The following TBC1D32 variants were observed in gnomAD, a reference collection of about 807,000 sequenced individuals.
TBC1D32 encodes TBC1 domain family member 32.
Under a neutral mutation model 170.3 loss-of-function variants are expected in TBC1D32, and 151 were observed. The observed-to-expected ratio is 0.89, with a 90% CI of 0.78 to 1.01. The LOEUF is 1.01. Ranked by LOEUF, TBC1D32 falls within the 50% of genes least tolerant of loss-of-function variation. TBC1D32 has a pLI of 0.00. For missense variants in TBC1D32, 1,464 were observed against 1,457.1 expected (o/e 1.00, Z -0.08); for synonymous variants, 498 against 488.0 (o/e 1.02, Z -0.27).
intron 15 of TBC1D32, among the ~76,000 whole-genome samples, chr6:121,273,718 C>A (rs916758384): frequency 6.6e-6 from 1 of 151,548 alleles, no homozygotes; most frequent in Non-Finnish European, 1.5e-5. Flanking sequence ...CTAAATGTTT[C>A]TCTGTACATA....
At chr6:121,153,215 G>A (rs888421313) in intron 24 of TBC1D32, among the ~76,000 whole-genome samples, 3 of 152,030 alleles carry the variant, frequency 2.0e-5, no homozygotes, top group African/African-American at 7.2e-5. Flanking sequence ...TGATGCCATT[G>A]CTTTCTGTTT....
intron 30 of TBC1D32, among the ~76,000 whole-genome samples, chr6:121,098,855 C>A (rs186813814): frequency 6.1e-4 from 93 of 151,910 alleles, no homozygotes; most frequent in African/African-American, 1.6e-3. Flanking sequence ...AAAAATAACT[C>A]ACAGGAAGGG....
intron 24 of TBC1D32, among the ~76,000 whole-genome samples, chr6:121,143,697 T>C (rs929561691): frequency 5.9e-5 from 9 of 152,220 alleles, no homozygotes; most frequent in African/African-American, 2.2e-4. Flanking sequence ...TAAAATAACT[T>C]TGGTGTCTTA....
chr6:121,253,691 C>G (rs1441820056), intron 17 of TBC1D32, among the ~76,000 whole-genome samples: 2 of 152,040 alleles, frequency 1.3e-5, no homozygotes, highest in Non-Finnish European at 1.5e-5. Flanking sequence ...TGCACTCCAG[C>G]CTGGGCGACA....
In TBC1D32 at chr6:121,202,190, G is replaced by A. The variant is rs761598330; in HGVS notation, c.2570+2885C>T. Among the ~76,000 whole-genome samples the A allele has an allele frequency of 3.3e-5, 5 of 149,298 alleles. No homozygotes were observed. The East Asian group carries it at 9.8e-4, about 29-fold the overall frequency. On this transcript the variant is annotated intron_variant, in intron 22 of 31. Transcript: ENST00000398212. ...CAAATGTTTAAGTGTAATAAATTAA[G>A]AGTAGAGTGCACAGAAACCTAGGAT...
At chr6:121,330,820 G>C (rs1811122326) in intron 1 of TBC1D32, among the ~76,000 whole-genome samples, 1 of 152,160 alleles carries the variant, frequency 6.6e-6, no homozygotes, top group African/African-American at 2.4e-5. Flanking sequence ...CAGGGAGCCA[G>C]TCTGCGTGTA....
intron 17 of TBC1D32, among the ~76,000 whole-genome samples, chr6:121,253,842 C>T (rs1322326367): frequency 1.3e-5 from 2 of 152,088 alleles, no homozygotes; most frequent in African/African-American, 4.8e-5. Context: ...CCTTAAAGAA[C>T]TAAAAGTAGA....
chr6:121,240,084 G>A (rs1306753635), intron 19 of TBC1D32, among the ~76,000 whole-genome samples: 1 of 152,064 alleles, frequency 6.6e-6, no homozygotes, highest in Non-Finnish European at 1.5e-5. Context: ...AGTATCAACA[G>A]GACAATACAT....
chr6:121,082,990 TAC>T (rs1207743867), intron 31 of TBC1D32, among the ~76,000 whole-genome samples: 3 of 151,992 alleles, frequency 2.0e-5, no homozygotes, highest in Non-Finnish European at 2.9e-5. Context: ...CCAAAATATC[TAC>T]ATTTTACATT....
At position 121,278,050 on chromosome 6, in the gene TBC1D32, A is replaced by G. The variant is rs565963345; in HGVS notation, c.1733+1071T>C. Reference sequence around the variant, plus strand: ...TCCTTGAAAGACATATTTTGCCAACATTCACATAAGAGCAAGTAGGCAATC... The same window carrying G: ...TCCTTGAAAGACATATTTTGCCAACGTTCACATAAGAGCAAGTAGGCAATC... On this transcript the variant is annotated intron_variant, in intron 15 of 31. Transcript: ENST00000398212. 1.5e-4 allele frequency among the ~76,000 whole-genome samples: 23 copies of G among 152,272 alleles called. No homozygotes were observed. In the South Asian group the frequency reaches 4.8e-3, roughly 32 times the overall value.
At chr6:121,132,249 T>C (rs1182398629) in intron 24 of TBC1D32, among the ~76,000 whole-genome samples, 1 of 151,974 alleles carries the variant, frequency 6.6e-6, no homozygotes, top group Non-Finnish European at 1.5e-5. Context: ...AACATGCTAT[T>C]CTGGCATATT....
chr6:121,326,978 A>G (rs924243421), intron 1 of TBC1D32, among the ~76,000 whole-genome samples: 8 of 152,264 alleles, frequency 5.3e-5, no homozygotes, highest in African/African-American at 1.9e-4. Context: ...CTCATCCAAC[A>G]ATTAATTTTA....
At chr6:121,190,408 A>C (rs1583148726) in intron 22 of TBC1D32, among the ~76,000 whole-genome samples, 3 of 84,242 alleles carry the variant, frequency 3.6e-5, no homozygotes, top group African/African-American at 1.5e-4. Flanking sequence ...CCCCCCACAC[A>C]CATCCACTCT....
Position 121,283,870 on chromosome 6 carries a change from T to G in TBC1D32, c.1413A>C (p.Gln471His), listed in dbSNP as rs370027510. ...GACAACTTGGTGAGTAATAGATAAG[T>G]TGGGTAAAAAGAACAAGCAGATCTA... is the stretch of plus-strand genomic sequence containing the variant. ...SLIDLLVLFT[Q>H]LIYYSPSCPK... Residue 471 changes from glutamine to histidine, a missense_variant, in exon 13 of 32, where the codon CAA (glutamine) becomes CAC (histidine). By Grantham distance (24) the Gln-to-His change is conservative. Coordinates refer to ENST00000398212, the MANE Select transcript of TBC1D32 (RefSeq NM_152730.6). 2 of 1,611,390 alleles carry G rather than the reference T, an allele frequency of 1.2e-6. No individual in the cohort carries two copies.
chr6:121,297,548 C>T (rs530688316), intron 10 of TBC1D32, among the ~76,000 whole-genome samples: 4 of 151,996 alleles, frequency 2.6e-5, no homozygotes, highest in East Asian at 1.9e-4. Flanking sequence ...ATATTTAGGC[C>T]GACAGCCAAA....
At chr6:121,304,935 CAAAT>C (rs1386147044) in intron 5 of TBC1D32, 102 bp from the exon 6 acceptor site, 82 of 739,764 alleles carry the variant, frequency 1.1e-4, no homozygotes, top group African/African-American at 8.7e-4. Context: ...AAAATAAATA[CAAAT>C]AAACCATTCA....
rs1472552505 is a variant in TBC1D32 at position 121,321,700 on chromosome 6, G to A, written c.250C>T (p.Gln84Ter). 1.2e-6 allele frequency: 2 copies of A among 1,614,022 alleles called. No homozygotes were observed. The highest frequency in any genetic ancestry group is 1.7e-6 in the Non-Finnish European group (2 of 1,179,964). The change falls in exon 2 of 32, where the codon CAG becomes TAG. Residue 84 changes from glutamine to a stop codon, truncating the protein, a stop_gained. Coordinates refer to ENST00000398212, the MANE Select transcript of TBC1D32 (RefSeq NM_152730.6). LOFTEE classifies it high-confidence loss of function. ...GTATCATAGCCGCATTCTTCACCCT[G>A]ATTCCGATCAGATGTGCATTTTTCC... ...EMEKCTSDRN[Q>*]GEECGYDTVV...
chr6:121,122,016 C>CA (rs1391473506), intron 26 of TBC1D32, among the ~76,000 whole-genome samples: 2 of 151,938 alleles, frequency 1.3e-5, no homozygotes, highest in African/African-American at 4.8e-5. Flanking sequence ...TCTCAAACAA[C>CA]AAAAAAGCCA....
chr6:121,268,961 C>A (rs1800946095), intron 15 of TBC1D32, among the ~76,000 whole-genome samples: 1 of 152,174 alleles, frequency 6.6e-6, no homozygotes, highest in African/African-American at 2.4e-5. Context: ...CAATATTCAA[C>A]CTTCTTGAAG....
Sources: gnomAD v4.1 joint callset for allele counts (sites outside exome capture counted in the v4.1 genomes callset) on GRCh38, gnomAD v4.1.1 for gene constraint, MANE v1.5 for transcripts, NCBI Gene and HGNC (gene_info 2026-07-23, HGNC 2026-07-21) for gene names.